Variants in EIF3H observed in about 807,000 individuals in gnomAD.
EIF3H encodes the protein eIF-3-gamma.
A neutral mutation model predicts 44.2 loss-of-function variants in EIF3H; 26 were observed. That is an observed-to-expected ratio of 0.59 (90% CI 0.43 to 0.82). The LOEUF (loss-of-function observed/expected upper bound fraction) is 0.82, where lower values mean the gene tolerates loss of function less well. Ranked by LOEUF, EIF3H falls within the 40% of genes least tolerant of loss-of-function variation. The pLI is 0.00. For missense variants in EIF3H, 359 were observed against 432.8 expected (o/e 0.83, Z 1.51); for synonymous variants, 166 against 151.9 (o/e 1.09, Z -0.68).
In EIF3H at chr8:116,654,489, C is replaced by G. The variant is rs1813455258; in HGVS notation, c.707+1367G>C. ...CAGTAAATTTAAAAGTATTATATAA[C>G]TATATACTTAATACATCAAATTGTA... On this transcript the variant is annotated intron_variant, in intron 5 of 7. Transcript: ENST00000521861. Among the ~76,000 whole-genome samples, 9 of 152,212 alleles carry G rather than the reference C, an allele frequency of 5.9e-5. 1 individual carries two copies. The South Asian group carries it at 1.9e-3, about 32-fold the overall frequency.
chr8:116,691,090 C>G (rs189380581), intron 2 of EIF3H, among the ~76,000 whole-genome samples: 33 of 152,332 alleles, frequency 2.2e-4, no homozygotes, highest in African/African-American at 7.9e-4. Flanking sequence ...AGCTCAAACA[C>G]AGTTTACTAC....
chr8:116,741,061 T>A (rs1815124158), intron 1 of EIF3H, among the ~76,000 whole-genome samples: 1 of 152,238 alleles, frequency 6.6e-6, no homozygotes. Context: ...TTCCTTTTTA[T>A]GTTTTAGAAT....
chr8:116,746,796 T>A (rs999505002), intron 1 of EIF3H, among the ~76,000 whole-genome samples: 4 of 152,200 alleles, frequency 2.6e-5, no homozygotes, highest in African/African-American at 9.7e-5. Context: ...TCAGACTGCA[T>A]AACGAATTTA....
At chr8:116,666,753 C>CAAAAAAAAAAAAAAAAAAA (rs56700266) in intron 2 of EIF3H, among the ~76,000 whole-genome samples, 1 of 71,432 alleles carries the variant, frequency 1.4e-5, no homozygotes, top group African/African-American at 6.9e-5. Context: ...TAGTGTTAGG[C>CAAAAAAAAAAAAAAAAAAA]AAAAAAAAAA....
chr8:116,753,590 G>C (rs1163217048), intron 1 of EIF3H, among the ~76,000 whole-genome samples: 1 of 152,184 alleles, frequency 6.6e-6, no homozygotes, highest in African/African-American at 2.4e-5. Flanking sequence ...TTCTGAGAGA[G>C]CTGATAAAAA....
upstream of EIF3H, chr8:116,756,157 T>G (rs1031211697): frequency 1.3e-6 from 1 of 740,778 alleles, no homozygotes; most frequent in African/African-American, 1.8e-5. Flanking sequence ...AATGAAGTGC[T>G]GTACTAACTC....
intron 1 of EIF3H, among the ~76,000 whole-genome samples, chr8:116,754,093 T>C (rs954684726): frequency 4.0e-5 from 6 of 151,890 alleles, no homozygotes; most frequent in Admixed American, 2.0e-4. Flanking sequence ...ACAGTGCCAG[T>C]ACACAGGCCA....
chr8:116,669,844 T>G (rs1413535536), intron 2 of EIF3H, among the ~76,000 whole-genome samples: 2 of 152,014 alleles, frequency 1.3e-5, no homozygotes, highest in African/African-American at 4.8e-5. Context: ...AAAATAGAAG[T>G]TTTTATAACC....
At chr8:116,645,394 T>C (rs776953219) in intron 7 of EIF3H, among the ~76,000 whole-genome samples, 2 of 152,214 alleles carry the variant, frequency 1.3e-5, no homozygotes, top group Non-Finnish European at 2.9e-5. Context: ...AAACCAATGC[T>C]GTACAACTGA....
At chr8:116,684,929 T>G (rs1246716186) in intron 2 of EIF3H, among the ~76,000 whole-genome samples, 1 of 152,208 alleles carries the variant, frequency 6.6e-6, no homozygotes, top group Non-Finnish European at 1.5e-5. Context: ...TCATAAATAT[T>G]TGCTGTACAG....
chr8:116,726,158 T>A lies in EIF3H; in HGVS notation c.147A>T (p.Ile49=). The change falls in exon 2 of 8, where the codon ATA becomes ATT. Residue 49 remains isoleucine, a synonymous_variant. Transcript: ENST00000521861. ...VQIDGLVVLK[I]IKHYQEEGQG... ...GTCCTTCTTCTTGATAATGTTTGAT[T>A]ATCTTTAATACCACCTAAAACATAC... The A allele has an allele frequency of 6.2e-7, 1 of 1,613,854 alleles. No individual in the cohort carries two copies.
intron 2 of EIF3H, among the ~76,000 whole-genome samples, chr8:116,674,899 T>C (rs1227873696): frequency 1.3e-5 from 2 of 152,214 alleles, no homozygotes; most frequent in Admixed American, 6.5e-5. Context: ...GTTGTTTTTT[T>C]TTAGATGTTT....
At chr8:116,762,748 G>A (rs761418937) in intron 1 of EIF3H, among the ~76,000 whole-genome samples, 1 of 152,108 alleles carries the variant, frequency 6.6e-6, no homozygotes, top group Non-Finnish European at 1.5e-5. Flanking sequence ...AGCCTGGCCA[G>A]CCTGGCCAGC....
intron 2 of EIF3H, among the ~76,000 whole-genome samples, chr8:116,669,709 T>C (rs1034475126): frequency 6.6e-6 from 1 of 152,182 alleles, no homozygotes; most frequent in South Asian, 2.1e-4. Context: ...CTGAGGAATA[T>C]AATTTTTGAA....
chr8:116,746,010 C>A (rs1298294776), intron 1 of EIF3H, among the ~76,000 whole-genome samples: 4 of 152,068 alleles, frequency 2.6e-5, no homozygotes, highest in African/African-American at 9.7e-5. Context: ...CGTACCAGTA[C>A]TCTTCCCAAT....
chr8:116,680,204 G>T (rs1322752114), intron 2 of EIF3H, among the ~76,000 whole-genome samples: 2 of 64,094 alleles, frequency 3.1e-5, no homozygotes, highest in African/African-American at 9.5e-5. Flanking sequence ...AGGGTGGGGG[G>T]GGGGGTCAGC....
At chr8:116,670,745 T>C (rs563571076) in intron 2 of EIF3H, among the ~76,000 whole-genome samples, 1 of 152,220 alleles carries the variant, frequency 6.6e-6, no homozygotes, top group African/African-American at 2.4e-5. Context: ...ATGTTAGAAA[T>C]GTACCTTAGA....
intron 2 of EIF3H, among the ~76,000 whole-genome samples, chr8:116,707,490 A>G (rs1384338862): frequency 6.6e-6 from 1 of 152,176 alleles, no homozygotes; most frequent in Non-Finnish European, 1.5e-5. Flanking sequence ...GAAGGCAAAC[A>G]GGAATTTAAT....
At chr8:116,738,637 G>A (rs1481359351) in intron 1 of EIF3H, among the ~76,000 whole-genome samples, 1 of 152,184 alleles carries the variant, frequency 6.6e-6, no homozygotes, top group Non-Finnish European at 1.5e-5. Flanking sequence ...ACCAGGAAAA[G>A]CAGGTTTCCC....
Sources: allele counts gnomAD v4.1 joint callset (sites outside exome capture counted in the v4.1 genomes callset), GRCh38; gene constraint gnomAD v4.1.1; transcripts MANE v1.5; gene names NCBI Gene and HGNC (gene_info 2026-07-23, HGNC 2026-07-21).